The following RALYL variants were observed in gnomAD, a reference collection of about 807,000 sequenced individuals.
RALYL encodes RNA-binding Raly-like protein.
Under a neutral mutation model 35.1 loss-of-function variants are expected in RALYL, and 29 were observed. The ratio of observed to expected loss-of-function variants is 0.83; its 90% CI spans 0.61 to 1.13. RALYL has a LOEUF of 1.13. RALYL is among the 50% of genes most tolerant of loss of function. The pLI, the probability that RALYL is intolerant of heterozygous loss-of-function variation, is 0.00. For synonymous variants in RALYL, 120 were observed against 127.6 expected (o/e 0.94, Z 0.40); for missense variants, 359 against 360.4 (o/e 1.00, Z 0.03).
intron 1 of RALYL, among the ~76,000 whole-genome samples, chr8:84,426,060 T>G (rs367875089): frequency 1.4e-4 from 21 of 152,168 alleles, no homozygotes; most frequent in African/African-American, 4.8e-4. Context: ...CAAAATGTTT[T>G]TACTAATTTA....
At chr8:84,695,263 C>G (rs2132224451) in intron 2 of RALYL, among the ~76,000 whole-genome samples, 1 of 151,852 alleles carries the variant, frequency 6.6e-6, no homozygotes, top group South Asian at 2.1e-4. Flanking sequence ...CACCAACTCA[C>G]AAACATACAT....
At chr8:84,212,864 T>G (rs1819834101) in intron 1 of RALYL, among the ~76,000 whole-genome samples, 1 of 152,156 alleles carries the variant, frequency 6.6e-6, no homozygotes, top group African/African-American at 2.4e-5. Context: ...CTTAAAAAAA[T>G]TTTTAAGAAG....
At chr8:84,841,251 C>G (rs1833252299) in intron 4 of RALYL, among the ~76,000 whole-genome samples, 1 of 151,778 alleles carries the variant, frequency 6.6e-6, no homozygotes, top group Admixed American at 6.6e-5. Flanking sequence ...CACATAGGCT[C>G]AAAATAAAAG....
At chr8:84,477,760 G>C (rs1181737560) in intron 1 of RALYL, among the ~76,000 whole-genome samples, 3 of 151,664 alleles carry the variant, frequency 2.0e-5, no homozygotes, top group Admixed American at 6.6e-5. Flanking sequence ...CTGATCCTTA[G>C]AGCAAAGGTA....
At chr8:84,359,199 G>C (rs1378104014) in intron 1 of RALYL, among the ~76,000 whole-genome samples, 1 of 150,682 alleles carries the variant, frequency 6.6e-6, no homozygotes, top group Non-Finnish European at 1.5e-5. Context: ...TGGGGGTTTG[G>C]AGGGACTTTG....
At chr8:84,697,681 T>C (rs2132259495) in intron 2 of RALYL, among the ~76,000 whole-genome samples, 1 of 152,188 alleles carries the variant, frequency 6.6e-6, no homozygotes, top group African/African-American at 2.4e-5. Context: ...GATTATTTCA[T>C]CACCCAGGTA....
At chr8:84,372,886 G>GTTTTTTTTTTTTTTTTTTTTTTTTTTT (rs76885544) in intron 1 of RALYL, among the ~76,000 whole-genome samples, 8 of 39,074 alleles carry the variant, frequency 2.0e-4, no homozygotes, top group African/African-American at 6.6e-4. Flanking sequence ...GCCAGCATCT[G>GTTTTTTTTTTTTTTTTTTTTTTTTTTT]TTTTTTTTTT....
intron 2 of RALYL, among the ~76,000 whole-genome samples, chr8:84,589,241 A>G (rs983224550): frequency 6.6e-6 from 1 of 152,180 alleles, no homozygotes; most frequent in African/African-American, 2.4e-5. Flanking sequence ...CAGAATCTCA[A>G]TGCGATGTCT....
rs543076917 is a variant in RALYL at position 84,774,448 on chromosome 8, T to C, written c.257-131T>C. ...ATAGAGTAAATGCTCAATAAACATATGTTGAATGAATCAATGGTGTACAAT... is the reference window on the plus strand; with the variant it reads ...ATAGAGTAAATGCTCAATAAACATACGTTGAATGAATCAATGGTGTACAAT... On this transcript the variant is annotated intron_variant, in intron 2 of 8. Transcript: ENST00000521268. The C allele has an allele frequency of 1.1e-4, 74 of 646,744 alleles. 3 individuals are homozygous for C. The South Asian group carries it at 1.4e-3, about 12-fold the overall frequency. The allele number at this position is 646,744 out of a possible 1,614,324, so 40.1% of individuals were successfully genotyped here. A position where few individuals can be genotyped will look rare whatever the true frequency, so the allele number is the denominator to read the frequency against.
chr8:84,521,941 C>A (rs1241175015), intron 1 of RALYL, among the ~76,000 whole-genome samples: 1 of 152,114 alleles, frequency 6.6e-6, no homozygotes, highest in African/African-American at 2.4e-5. Flanking sequence ...ATTAAGATAT[C>A]TTAGCTAACA....
chr8:84,611,777 G>A (rs973624755), intron 2 of RALYL, among the ~76,000 whole-genome samples: 1 of 151,886 alleles, frequency 6.6e-6, no homozygotes, highest in Non-Finnish European at 1.5e-5. Context: ...CATTATCATT[G>A]TATCTCCACT....
chr8:84,468,840 T>C (rs2052193952), intron 1 of RALYL, among the ~76,000 whole-genome samples: 1 of 152,144 alleles, frequency 6.6e-6, no homozygotes, highest in African/African-American at 2.4e-5. Flanking sequence ...GCTTTGCTCA[T>C]TTCTTTTTAT....
intron 2 of RALYL, among the ~76,000 whole-genome samples, chr8:84,617,283 A>T (rs1337007633): frequency 6.6e-6 from 1 of 151,650 alleles, no homozygotes; most frequent in Admixed American, 6.6e-5. Flanking sequence ...AGTGGATTGT[A>T]GTTCTCCTGC....
chr8:84,890,005 T>C (rs1185874531), intron 8 of RALYL, among the ~76,000 whole-genome samples: 1 of 152,138 alleles, frequency 6.6e-6, no homozygotes, highest in Non-Finnish European at 1.5e-5. Flanking sequence ...TGCAACCCAT[T>C]CTCCACAGAA....
At chr8:84,615,403 T>G (rs1030327337) in intron 2 of RALYL, among the ~76,000 whole-genome samples, 3 of 150,664 alleles carry the variant, frequency 2.0e-5, no homozygotes, top group Non-Finnish European at 4.4e-5. Flanking sequence ...AGACTATCAA[T>G]GTCAGTATGT....
chr8:84,742,755 A>G (rs772057486), intron 2 of RALYL, among the ~76,000 whole-genome samples: 1 of 152,044 alleles, frequency 6.6e-6, no homozygotes, highest in Non-Finnish European at 1.5e-5. Context: ...AGTACATTAC[A>G]TATTGGTTTT....
intron 1 of RALYL, among the ~76,000 whole-genome samples, chr8:84,491,246 G>A (rs1240921262): frequency 1.3e-5 from 2 of 151,858 alleles, no homozygotes. Flanking sequence ...TAGGTAAGTG[G>A]CATCTCATCA....
At chr8:84,199,945 A>G (rs939769588) in intron 1 of RALYL, among the ~76,000 whole-genome samples, 2 of 152,196 alleles carry the variant, frequency 1.3e-5, no homozygotes, top group African/African-American at 4.8e-5. Context: ...GGAAGGTAAT[A>G]GTGTAGCCTG....
intron 1 of RALYL, among the ~76,000 whole-genome samples, chr8:84,511,737 A>G (rs2057640445): frequency 6.6e-6 from 1 of 152,106 alleles, no homozygotes; most frequent in Non-Finnish European, 1.5e-5. Context: ...AGTCCCTGGT[A>G]AGTATCATTC....
Sources: allele counts gnomAD v4.1 joint callset (sites outside exome capture counted in the v4.1 genomes callset), GRCh38; gene constraint gnomAD v4.1.1; transcripts MANE v1.5; gene names NCBI Gene and HGNC (gene_info 2026-07-23, HGNC 2026-07-21).